XYLT1: variants seen among roughly 807,000 people sequenced by gnomAD.
XYLT1 encodes the protein xylosyltransferase 1, also known as beta-D-xylosyltransferase 1.
Under a neutral mutation model 91.3 loss-of-function variants are expected in XYLT1, and 36 were observed. The ratio of observed to expected loss-of-function variants is 0.39; its 90% CI spans 0.30 to 0.52. XYLT1 has a LOEUF of 0.52. XYLT1 is among the 20% of genes least tolerant of loss of function. XYLT1 has a pLI of 0.68. For missense variants in XYLT1, 1,242 were observed against 1,284.5 expected (o/e 0.97, Z 0.51); for synonymous variants, 588 against 532.0 (o/e 1.11, Z -1.45).
chr16:17,138,323 T>TTGGC, intron 8 of XYLT1, 32 bp downstream of exon 8: 2 of 1,594,578 alleles, frequency 1.3e-6, no homozygotes, highest in Non-Finnish European at 1.7e-6. Flanking sequence ...AGGCATCACT[T>TTGGC]AGGAGGCTGG....
intron 1 of XYLT1, among the ~76,000 whole-genome samples, chr16:17,370,079 G>A (rs572742219): frequency 2.1e-4 from 32 of 152,160 alleles, no homozygotes; most frequent in Non-Finnish European, 2.5e-4. Context: ...ACAGGAGGGG[G>A]CCAGAGGAAG....
Position 17,138,549 on chromosome 16 carries a change from A to G in XYLT1, c.1588-18T>C. The G allele has an allele frequency of 6.2e-7, 1 of 1,609,262 alleles. No individual in the cohort carries two copies. The highest frequency in any genetic ancestry group is 8.5e-7 in the Non-Finnish European group (1 of 1,176,194). On this transcript the variant is annotated intron_variant, in intron 7 of 11. Coordinates refer to ENST00000261381, the MANE Select transcript of XYLT1 (RefSeq NM_022166.4). ...AAGAAGGACTGCAGGGGAGAGAGGG[A>G]CCCAGCCTGAGACCTCTCCCAGCCT...
At chr16:17,112,207 T>C (rs376066735) in intron 11 of XYLT1, among the ~76,000 whole-genome samples, 1 of 152,210 alleles carries the variant, frequency 6.6e-6, no homozygotes, top group South Asian at 2.1e-4. Flanking sequence ...ATAATTAAAT[T>C]TTCCTCAATT....
intron 3 of XYLT1, among the ~76,000 whole-genome samples, chr16:17,254,647 G>A (rs536652586): frequency 3.3e-5 from 5 of 152,124 alleles, no homozygotes; most frequent in African/African-American, 7.2e-5. Flanking sequence ...CACCTGCCTC[G>A]GCCTCCCAAA....
At chr16:17,302,686 G>C (rs182505381) in intron 2 of XYLT1, among the ~76,000 whole-genome samples, 2 of 152,220 alleles carry the variant, frequency 1.3e-5, no homozygotes, top group South Asian at 4.2e-4. Flanking sequence ...TTTAATTTTT[G>C]CAGTCTTATT....
chr16:17,231,864 G>A (rs922300420), intron 3 of XYLT1, among the ~76,000 whole-genome samples: 1 of 151,942 alleles, frequency 6.6e-6, no homozygotes, highest in Non-Finnish European at 1.5e-5. Context: ...TCAGTAAGTC[G>A]TGGGTGAATA....
At position 17,452,313 on chromosome 16, in the gene XYLT1, T is replaced by C. The variant is rs567255186; in HGVS notation, c.363+18121A>G. Among the ~76,000 whole-genome samples, 736 of 146,116 alleles carry C rather than the reference T, an allele frequency of 5.0e-3. 10 individuals carry two copies. The highest frequency in any genetic ancestry group is 0.017 in the African/African-American group (629 of 36,740). Reference sequence around the variant, plus strand: ...TGATTCTCAGTTTTTTTCTTTTTTTTTTTTTTTTTGTTAGTAACAGGGTCT... The same window carrying C: ...TGATTCTCAGTTTTTTTCTTTTTTTCTTTTTTTTTGTTAGTAACAGGGTCT... On this transcript the variant is annotated intron_variant, in intron 1 of 11. Transcript: ENST00000261381.
At chr16:17,289,484 G>A (rs765248284) in intron 2 of XYLT1, among the ~76,000 whole-genome samples, 8 of 152,108 alleles carry the variant, frequency 5.3e-5, no homozygotes, top group Admixed American at 6.5e-5. Flanking sequence ...TTTCCCCAGC[G>A]TAAGTGTGTC....
chr16:17,269,565 A>G (rs192927942), intron 2 of XYLT1, among the ~76,000 whole-genome samples: 210 of 152,270 alleles, frequency 1.4e-3, no homozygotes, highest in African/African-American at 4.3e-3. Flanking sequence ...TAGAAAACTC[A>G]AGGCTGCCAA....
intron 9 of XYLT1, 105 bp downstream of exon 9, chr16:17,134,368 C>A: frequency 7.0e-7 from 1 of 1,422,368 alleles, no homozygotes; most frequent in South Asian, 1.3e-5. Flanking sequence ...CATAGGGTGG[C>A]ATTGCATTGC....
At position 17,456,637 on chromosome 16, in the gene XYLT1, G is replaced by A. The variant is rs181243307; in HGVS notation, c.363+13797C>T. ...ATTACAGGCATGTGCCACCACGCCCGGCAACAGTACCAACTTTCTGGCAGT... is the reference window on the plus strand; with the variant it reads ...ATTACAGGCATGTGCCACCACGCCCAGCAACAGTACCAACTTTCTGGCAGT... On this transcript the variant is annotated intron_variant, in intron 1 of 11. Transcript: ENST00000261381. Among the ~76,000 whole-genome samples, 199 of 152,258 alleles carry A rather than the reference G, an allele frequency of 1.3e-3. 1 individual carries two copies. Among genetic ancestry groups the A allele is most frequent in the African/African-American group, 4.1e-3 (172 of 41,552 alleles).
chr16:17,364,169 G>A (rs910397720), intron 1 of XYLT1, among the ~76,000 whole-genome samples: 2 of 152,146 alleles, frequency 1.3e-5, no homozygotes, highest in African/African-American at 2.4e-5. Context: ...CACCACTTGC[G>A]ACCTTGGGCA....
rs561100620 is a variant in XYLT1 at position 17,356,905 on chromosome 16, A to G, written c.402+1107T>C. Among the ~76,000 whole-genome samples the G allele has an allele frequency of 1.3e-4, 20 of 152,190 alleles. No individual in the cohort carries two copies. The Middle Eastern group carries it at 0.01, about 78-fold the overall frequency. On this transcript the variant is annotated intron_variant, in intron 2 of 11. Transcript: ENST00000261381. ...TAAAAAGCTGCCACTTGCCGGACGC[A>G]GTGGCTCATGCCTGTAATCCCAGCA...
In XYLT1 at chr16:17,117,696, T is replaced by C. The variant is rs1315101360; in HGVS notation, c.2507A>G (p.Lys836Arg). 1.2e-6 allele frequency: 2 copies of C among 1,613,944 alleles called. No homozygotes were observed. The highest frequency in any genetic ancestry group is 1.7e-6 in the Non-Finnish European group (2 of 1,179,978). The change falls in exon 11 of 12, where the codon AAA becomes AGA. Residue 836 changes from lysine to arginine, a missense_variant. Lys to Arg is a conservative substitution (Grantham distance 26). Coordinates refer to ENST00000261381, the MANE Select transcript of XYLT1 (RefSeq NM_022166.4). ...GAAGGTCAGAGGCGCAACGAGGAAT[T>C]TGGTCTCTGCAACTGGCACCCAGTG... ...LHHWVPVAET[K>R]FLVAPLTFSN...
intron 1 of XYLT1, among the ~76,000 whole-genome samples, chr16:17,371,225 T>A (rs954295658): frequency 1.3e-5 from 2 of 152,230 alleles, no homozygotes; most frequent in African/African-American, 4.8e-5. Context: ...CCCTGCTACA[T>A]ACTTTTGACA....
intron 2 of XYLT1, among the ~76,000 whole-genome samples, chr16:17,304,074 G>A (rs2034437340): frequency 6.6e-6 from 1 of 152,098 alleles, no homozygotes. Context: ...GCTAACGTTG[G>A]AAGGTAAGAA....
At chr16:17,419,508 T>C (rs1281631032) in intron 1 of XYLT1, among the ~76,000 whole-genome samples, 1 of 152,144 alleles carries the variant, frequency 6.6e-6, no homozygotes, top group African/African-American at 2.4e-5. Flanking sequence ...AAACAGGCAG[T>C]GGGCCAGATT....
rs1458024400 is a variant in XYLT1 at position 17,198,277 on chromosome 16, G to A, written c.1224C>T (p.Leu408=). The change falls in exon 5 of 12, where the codon CTC becomes CTT. Residue 408 remains leucine, a synonymous_variant. Transcript: ENST00000261381. ...CCCAGGGCCAGTCGGTCATCTCCAG[G>A]AGGTCCCGCATGCTCTGCAGGTAGG... is the stretch of plus-strand genomic sequence containing the variant. ...LSTYLQSMRD[L]LEMTDWPWDF... is the part of the protein sequence containing the mutation. 6.2e-7 allele frequency: 1 copy of A among 1,614,210 alleles called. No individual in the cohort carries two copies. The highest frequency in any genetic ancestry group is 8.5e-7 in the Non-Finnish European group (1 of 1,180,024).
chr16:17,344,674 T>C (rs1318390308), intron 2 of XYLT1, among the ~76,000 whole-genome samples: 1 of 151,794 alleles, frequency 6.6e-6, no homozygotes, highest in Admixed American at 6.6e-5. Flanking sequence ...CTTGGGGCTT[T>C]TGAGATGTGT....
Sources: gnomAD v4.1 joint callset for allele counts (sites outside exome capture counted in the v4.1 genomes callset) on GRCh38, gnomAD v4.1.1 for gene constraint, MANE v1.5 for transcripts, NCBI Gene and HGNC (gene_info 2026-07-23, HGNC 2026-07-21) for gene names.